The following HIP1 variants were observed in gnomAD, a reference collection of about 807,000 sequenced individuals.
HIP1 encodes the protein huntingtin-interacting protein 1.
Under a neutral mutation model 147.6 loss-of-function variants are expected in HIP1, and 65 were observed. The observed-to-expected ratio is 0.44, with a 90% CI of 0.36 to 0.54. HIP1 has a LOEUF of 0.54. Ranked by LOEUF, HIP1 falls within the 20% of genes least tolerant of loss-of-function variation. The probability of loss-of-function intolerance (pLI) is 0.00; values close to 1 mark genes in which losing one functional copy is unlikely to be tolerated. For missense variants in HIP1, 1,061 were observed against 1,299.6 expected (o/e 0.82, Z 2.82); for synonymous variants, 479 against 504.0 (o/e 0.95, Z 0.67).
rs1563278140 is a variant in HIP1 at position 75,663,984 on chromosome 7, GTATATATATACACATATATGTGTATA to G, written c.121-64763_121-64738del. On this transcript the variant is annotated intron_variant, in intron 1 of 30. Coordinates refer to ENST00000336926, the MANE Select transcript of HIP1 (RefSeq NM_005338.7). Reference sequence around the variant, plus strand: ...TGTATATATATATACACATATATGTGTATATATATACACATATATGTGTATATATATACACATATATGTGTATATAT... The same window carrying G: ...TGTATATATATATACACATATATGTGTATATACACATATATGTGTATATAT... Among the ~76,000 whole-genome samples the G allele has an allele frequency of 2.6e-4, 2 of 7,782 alleles. 1 individual carries two copies. Among genetic ancestry groups the G allele is most frequent in the Non-Finnish European group, 5.0e-4 (2 of 4,028 alleles). 5.1% of individuals were successfully genotyped at this position (7,782 alleles called of 152,430 possible).
intron 1 of HIP1, among the ~76,000 whole-genome samples, chr7:75,644,116 T>G (rs1280994962): frequency 6.6e-6 from 1 of 152,168 alleles, no homozygotes; most frequent in Admixed American, 6.6e-5. Flanking sequence ...TATGAGCAAG[T>G]TCCTTAACCT....
chr7:75,684,906 A>G (rs139274833), intron 1 of HIP1, among the ~76,000 whole-genome samples: 1,589 of 152,114 alleles, frequency 0.01, 36 homozygotes, highest in African/African-American at 0.036. Flanking sequence ...CCTGGCTAAC[A>G]TGGTGAAACC....
At chr7:75,703,627 C>T (rs1554519384) in intron 1 of HIP1, among the ~76,000 whole-genome samples, 1 of 150,334 alleles carries the variant, frequency 6.7e-6, no homozygotes, top group Non-Finnish European at 1.5e-5. Context: ...AACAAAACAA[C>T]ACACACAAAA....
chr7:75,674,693 A>G (rs1455742802), intron 1 of HIP1, among the ~76,000 whole-genome samples: 3 of 151,828 alleles, frequency 2.0e-5, no homozygotes, highest in East Asian at 3.9e-4. Context: ...GGGTTTCACC[A>G]TGTAAGCCAG....
chr7:75,738,831 C>T lies in HIP1; in HGVS notation c.90G>A (p.Ala30=). Residue 30 remains alanine, a synonymous_variant, in exon 1 of 31, where the codon GCG becomes GCA. Coordinates refer to ENST00000336926, the MANE Select transcript of HIP1 (RefSeq NM_005338.7). ...TCCGCTCGAAGCTCTCGCGCTCCGC[C>T]GCCTCCAGCCCAGCGCCGACCCCGC... The part of the protein sequence containing the change: ...SRRGVGAGLE[A]AERESFERTQ... The T allele has an allele frequency of 6.3e-7, 1 of 1,598,482 alleles. No homozygotes were observed.
intron 1 of HIP1, among the ~76,000 whole-genome samples, chr7:75,658,636 C>T (rs1304722575): frequency 3.3e-5 from 5 of 152,166 alleles, no homozygotes; most frequent in Middle Eastern, 3.4e-3. Context: ...CAGCAGGAGG[C>T]CAGGCGCCGT....
intron 1 of HIP1, among the ~76,000 whole-genome samples, chr7:75,601,129 T>A (rs1796956022): frequency 6.6e-6 from 1 of 152,050 alleles, no homozygotes; most frequent in South Asian, 2.1e-4. Context: ...GTTTTTTTTT[T>A]AAACAGGTTC....
At chr7:75,709,575 T>C (rs144021606) in intron 1 of HIP1, among the ~76,000 whole-genome samples, 18 of 152,364 alleles carry the variant, frequency 1.2e-4, no homozygotes, top group African/African-American at 4.3e-4. Context: ...ACAGACTTTT[T>C]GGTGGTATCC....
intron 1 of HIP1, among the ~76,000 whole-genome samples, chr7:75,624,935 A>AT (rs1797983457): frequency 1.5e-5 from 2 of 137,914 alleles, no homozygotes; most frequent in African/African-American, 6.4e-5. Context: ...ATTTTTGTTT[A>AT]ATTTTTTTTT....
Position 75,535,345 on chromosome 7 carries a change from G to A in HIP1, c.*2827C>T, listed in dbSNP as rs1199719576. On this transcript the variant is annotated 3_prime_UTR_variant, in exon 31 of 31. Coordinates refer to ENST00000336926, the MANE Select transcript of HIP1 (RefSeq NM_005338.7). The stretch of plus-strand genomic sequence containing the variant: ...CATTGCAGCCTCAAACTCCTGGGCT[G>A]GGCTCTGACACAGAATCTTTTTTTT... The A allele has an allele frequency of 1.0e-5, 2 of 193,344 alleles. No homozygotes were observed. The highest frequency in any genetic ancestry group is 4.6e-5 in the African/African-American group (2 of 43,024). 12.0% of individuals were successfully genotyped at this position (193,344 alleles called of 1,614,324 possible). A position where few individuals can be genotyped will look rare whatever the true frequency, so the allele number is the denominator to read the frequency against.
At chr7:75,585,254 G>A (rs1225512681) in intron 5 of HIP1, among the ~76,000 whole-genome samples, 6 of 149,662 alleles carry the variant, frequency 4.0e-5, no homozygotes, top group African/African-American at 1.5e-4. Flanking sequence ...GCAGCATCTC[G>A]GCTCGCTGCA....
At chr7:75,708,732 G>C (rs1449948693) in intron 1 of HIP1, among the ~76,000 whole-genome samples, 1 of 152,106 alleles carries the variant, frequency 6.6e-6, no homozygotes, top group Non-Finnish European at 1.5e-5. Flanking sequence ...CTTTATGCCA[G>C]TACCACACTG....
At chr7:75,660,054 A>AATCGCGTGAACCGGAGG (rs1563275476) in intron 1 of HIP1, among the ~76,000 whole-genome samples, 11 of 151,230 alleles carry the variant, frequency 7.3e-5, no homozygotes, top group African/African-American at 2.7e-4. Context: ...TGAACCGGAG[A>AATCGCGTGAACCGGAGG]AGCGGAGGTT....
chr7:75,621,587 G>A (rs782507076), intron 1 of HIP1, among the ~76,000 whole-genome samples: 4 of 152,144 alleles, frequency 2.6e-5, no homozygotes, highest in Admixed American at 2.0e-4. Context: ...GCGGTAAAAC[G>A]ATCTGATTCA....
Position 75,721,063 on chromosome 7 carries a change from C to T in HIP1, c.120+17738G>A, listed in dbSNP as rs576266596. On this transcript the variant is annotated intron_variant, in intron 1 of 30. Transcript: ENST00000336926. The stretch of plus-strand genomic sequence containing the variant: ...CAAAAAAAAAAAAAAAAGACCTCAT[C>T]TCTATAAAAAATCAAAAAATTAGCT... Among the ~76,000 whole-genome samples the T allele has an allele frequency of 1.1e-4, 16 of 149,378 alleles. No homozygotes were observed. In the East Asian group the frequency reaches 3.0e-3, roughly 28 times the overall value.
chr7:75,534,439 CTT>C lies in HIP1; in HGVS notation c.*3731_*3732del, dbSNP rs782284084. 51 of 167,452 alleles carry C rather than the reference CTT, an allele frequency of 3.0e-4. No homozygotes were observed. Among genetic ancestry groups the C allele is most frequent in the East Asian group, 5.4e-4 (5 of 9,246 alleles). The allele number at this position is 167,452 out of a possible 1,614,324, so 10.4% of individuals were successfully genotyped here. A position where few individuals can be genotyped will look rare whatever the true frequency, so the allele number is the denominator to read the frequency against. On this transcript the variant is annotated 3_prime_UTR_variant, in exon 31 of 31. Transcript: ENST00000336926. Reference sequence around the variant, plus strand: ...CTTCTATTTCTTTCTCTCTCTCTCTCTTTTTTTTTTTTGAGATGGAGTCTCAC... The same window carrying C: ...CTTCTATTTCTTTCTCTCTCTCTCTCTTTTTTTTTTGAGATGGAGTCTCAC...
At chr7:75,627,415 T>C (rs1798082890) in intron 1 of HIP1, among the ~76,000 whole-genome samples, 1 of 152,158 alleles carries the variant, frequency 6.6e-6, no homozygotes, top group Non-Finnish European at 1.5e-5. Context: ...AGACAGATTT[T>C]GAACCCCAGG....
chr7:75,597,827 A>AC (rs1284316608), intron 2 of HIP1, among the ~76,000 whole-genome samples: 7 of 148,894 alleles, frequency 4.7e-5, no homozygotes, highest in Admixed American at 1.3e-4. Context: ...AAGCTTAGCC[A>AC]CCCCCCTGGC....
At chr7:75,553,637 C>T in intron 21 of HIP1, 48 bp from the exon 22 acceptor site, 1 of 1,574,022 alleles carries the variant, frequency 6.4e-7, no homozygotes, top group South Asian at 1.1e-5. Context: ...TGGAGTCTCG[C>T]TCTTGTTGCC....
Sources: gnomAD v4.1 joint callset for allele counts (sites outside exome capture counted in the v4.1 genomes callset) on GRCh38, gnomAD v4.1.1 for gene constraint, MANE v1.5 for transcripts, NCBI Gene and HGNC (gene_info 2026-07-23, HGNC 2026-07-21) for gene names.